NOB1: variants seen among roughly 807,000 people sequenced by gnomAD.
NOB1 encodes RNA-binding protein NOB1.
NOB1 carries 44 observed loss-of-function variants against 44.8 expected under a neutral mutation model. The ratio of observed to expected loss-of-function variants is 0.98; its 90% CI spans 0.77 to 1.26. NOB1 has a LOEUF of 1.26. Ranked by LOEUF, NOB1 falls within the 50% of genes most tolerant of loss-of-function variation. The pLI, the probability that NOB1 is intolerant of heterozygous loss-of-function variation, is 0.00. For missense variants in NOB1, 560 were observed against 544.8 expected, an observed-to-expected ratio of 1.03 and a Z score of -0.28; for synonymous variants, 238 against 218.7, an observed-to-expected ratio of 1.09 and a Z score of -0.78.
At chr16:69,748,789 T>C (rs912484567) in intron 6 of NOB1, 129 bp downstream of exon 6, 1 of 808,932 alleles carries the variant, frequency 1.2e-6, no homozygotes, top group Non-Finnish European at 1.9e-6. Flanking sequence ...AATCACCAAA[T>C]GGCACAGGTG....
chr16:69,749,717 CCTGT>C (rs1423809240), intron 3 of NOB1, 87 bp from the exon 4 acceptor site: 22 of 972,684 alleles, frequency 2.3e-5, no homozygotes, highest in Non-Finnish European at 3.2e-5. Context: ...ATGGCTCATG[CCTGT>C]AATCCCAGCA....
At chr16:69,747,930 G>A (rs2038446696) in intron 7 of NOB1, among the ~76,000 whole-genome samples, 1 of 152,168 alleles carries the variant, frequency 6.6e-6, no homozygotes, top group Non-Finnish European at 1.5e-5. Context: ...GGCTGAGGTG[G>A]ATGGATCACT....
Position 69,749,318 on chromosome 16 carries a change from T to C in NOB1, c.420A>G (p.Thr140=), listed in dbSNP as rs575284076. The C allele has an allele frequency of 4.4e-6, 7 of 1,598,826 alleles. No individual in the cohort carries two copies. In the East Asian group the frequency reaches 6.7e-5, roughly 15 times the overall value. Reference sequence around the variant, plus strand: ...GCTCACAAGCTGAGTGTCCTTTTTCTGTTTCTTGTGGGGGTTTAGGCTGAA... The same window carrying C: ...GCTCACAAGCTGAGTGTCCTTTTTCCGTTTCTTGTGGGGGTTTAGGCTGAA... The part of the protein sequence containing the change: ...LPYKPKPPQE[T]EKGHSACEPE... Residue 140 remains threonine (T), a synonymous_variant, in exon 5 of 9, where the codon ACA becomes ACG. Transcript: ENST00000268802.
Position 69,742,674 on chromosome 16 carries a change from G to A in NOB1, c.970-73C>T, listed in dbSNP as rs1401186368. ...CACACAAGGCCATGGCTGGTAAGGT[G>A]CAGCCGACCTTGCAGATCCTGGTGC... On this transcript the variant is annotated intron_variant, in intron 8 of 8. Coordinates refer to ENST00000268802, the MANE Select transcript of NOB1 (RefSeq NM_014062.3). 3.4e-6 allele frequency: 5 copies of A among 1,487,456 alleles called. No homozygotes were observed. The East Asian group carries it at 1.1e-4, about 34-fold the overall frequency. The allele number at this position is 1,487,456 out of a possible 1,614,324, so 92.1% of individuals were successfully genotyped here. A position where few individuals can be genotyped will look rare whatever the true frequency, so the allele number is the denominator to read the frequency against.
At chr16:69,749,148 C>G in intron 5 of NOB1, 30 bp from the exon 6 acceptor site, 2 of 1,614,054 alleles carry the variant, frequency 1.2e-6, no homozygotes, top group Non-Finnish European at 1.7e-6. Flanking sequence ...TTCAAACTCC[C>G]AACCCACAGG....
chr16:69,751,539 A>T (rs576456211), intron 3 of NOB1, among the ~76,000 whole-genome samples: 1 of 152,174 alleles, frequency 6.6e-6, no homozygotes, highest in African/African-American at 2.4e-5. Context: ...CACACTTGCC[A>T]ATTGCAATGT....
rs559813496 is a variant in NOB1 at position 69,742,103 on chromosome 16, T to A, written c.*229A>T. On this transcript the variant is annotated 3_prime_UTR_variant, in exon 9 of 9. Transcript: ENST00000268802. The stretch of plus-strand genomic sequence containing the variant: ...TCCAGGGCGTTGTTCTTTCTGTTTT[T>A]ATGCAATTGCACTTCCTTGGCAGGC... The A allele has an allele frequency of 4.0e-6, 2 of 502,742 alleles. No individual in the cohort carries two copies. The highest frequency in any genetic ancestry group is 3.9e-5 in the African/African-American group (2 of 51,836). The allele number at this position is 502,742 out of a possible 1,614,324, so 31.1% of individuals were successfully genotyped here.
rs907698855 is a variant in NOB1 at position 69,742,406 on chromosome 16, C to T, written c.1165G>A (p.Asp389Asn). 6 of 1,614,118 alleles carry T rather than the reference C, an allele frequency of 3.7e-6. No homozygotes were observed. Among genetic ancestry groups the T allele is most frequent in the Admixed American group, 1.7e-5 (1 of 60,010 alleles). The change falls in exon 9 of 9, where the codon GAC becomes AAC. Residue 389 changes from aspartate to asparagine, a missense_variant. Asp to Asn is a conservative substitution (Grantham distance 23). Transcript: ENST00000268802. ...SSRSATLQVR[D>N]STLGAGRRRL... is the part of the protein sequence containing the mutation. ...CTCCGCCCAGCTCCCAAGGTGCTGT[C>T]CCGGACCTGCAGGGTAGCTGAGCGG...
Position 69,748,274 on chromosome 16 carries a change from C to A in NOB1, c.782G>T (p.Arg261Leu), listed in dbSNP as rs766211851. 5 of 1,613,958 alleles carry A rather than the reference C, an allele frequency of 3.1e-6. No individual in the cohort carries two copies. The highest frequency in any genetic ancestry group is 2.7e-5 in the African/African-American group (2 of 74,940). ...HVLAVNGMLI[R>L]EARSYILRCH... Reference sequence around the variant, plus strand: ...GCGCAAGATGTAGCTCCGGGCCTCACGAATCAGCATGCCGTTCACCGCCAG... The same window carrying A: ...GCGCAAGATGTAGCTCCGGGCCTCAAGAATCAGCATGCCGTTCACCGCCAG... The change falls in exon 7 of 9, where the codon CGT (arginine) becomes CTT (leucine). Residue 261 changes from arginine (R) to leucine (L), a missense_variant. Coordinates refer to ENST00000268802, the MANE Select transcript of NOB1 (RefSeq NM_014062.3).
intron 8 of NOB1, among the ~76,000 whole-genome samples, chr16:69,742,937 T>C (rs114462991): frequency 0.014 from 2,100 of 152,286 alleles, 47 homozygotes; most frequent in African/African-American, 0.045. Flanking sequence ...GCAATGACAC[T>C]GCAGGACAAC....
chr16:69,742,436 A>T lies in NOB1; in HGVS notation c.1135T>A (p.Ser379Thr), dbSNP rs112175164. The T allele has an allele frequency of 6.2e-7, 1 of 1,614,188 alleles. No individual in the cohort carries two copies. The highest frequency in any genetic ancestry group is 1.1e-5 in the South Asian group (1 of 91,086). ...GVSPFVENDISSRSATLQVRD... is the reference protein window; with the variant it reads ...GVSPFVENDITSRSATLQVRD... ...ACCTGCAGGGTAGCTGAGCGGCTGG[A>T]GATGTCATTCTCGACAAAGGGTGAC... Residue 379 changes from serine (S) to threonine (T), a missense_variant, in exon 9 of 9, where the codon TCC becomes ACC. Coordinates refer to ENST00000268802, the MANE Select transcript of NOB1 (RefSeq NM_014062.3).
At position 69,742,385 on chromosome 16, in the gene NOB1, G is replaced by A. The variant is rs200044448; in HGVS notation, c.1186C>T (p.Arg396Trp). 32 of 1,614,208 alleles carry A rather than the reference G, an allele frequency of 2.0e-5. 1 individual carries two copies. Among genetic ancestry groups the A allele is most frequent in the South Asian group, 6.6e-5 (6 of 91,088 alleles). ...QVRDSTLGAGRRRLNPNASRK... is the reference protein window; with the variant it reads ...QVRDSTLGAGWRRLNPNASRK... ...GAAGCGTTGGGATTTAAGCGTCTCC[G>A]CCCAGCTCCCAAGGTGCTGTCCCGG... is the stretch of plus-strand genomic sequence containing the variant. Residue 396 changes from arginine to tryptophan, a missense_variant, in exon 9 of 9, where the codon CGG becomes TGG. Coordinates refer to ENST00000268802, the MANE Select transcript of NOB1 (RefSeq NM_014062.3).
At chr16:69,754,570 C>A in intron 2 of NOB1, 24 bp downstream of exon 2, 1 of 1,611,788 alleles carries the variant, frequency 6.2e-7, no homozygotes, top group Non-Finnish European at 8.5e-7. Flanking sequence ...AGCTTCCCGT[C>A]AACGCTAGGG....
chr16:69,745,326 G>A (rs1024006396), intron 7 of NOB1, among the ~76,000 whole-genome samples: 3 of 152,210 alleles, frequency 2.0e-5, no homozygotes, highest in African/African-American at 7.2e-5. Flanking sequence ...CTAGTCCTGG[G>A]AGGATGGCAC....
Position 69,742,414 on chromosome 16 carries a change from T to C in NOB1, c.1157A>G (p.Gln386Arg), listed in dbSNP as rs781701396. The C allele has an allele frequency of 6.2e-7, 1 of 1,614,258 alleles. No individual in the cohort carries two copies. The highest frequency in any genetic ancestry group is 8.5e-7 in the Non-Finnish European group (1 of 1,180,040). The part of the protein sequence containing the change: ...NDISSRSATL[Q>R]VRDSTLGAGR... ...AGCTCCCAAGGTGCTGTCCCGGACC[T>C]GCAGGGTAGCTGAGCGGCTGGAGAT... The change falls in exon 9 of 9, where the codon CAG becomes CGG. Residue 386 changes from glutamine to arginine, a missense_variant. Transcript: ENST00000268802.
chr16:69,754,918 G>C lies in NOB1; in HGVS notation c.-8C>G. On this transcript the variant is annotated 5_prime_UTR_variant, in exon 1 of 9. Transcript: ENST00000268802. ...GTGCTCCACTGGAGCCATGTTGGCT[G>C]CGTGAGAGGGGAGCGCGCATGCGCA... 1 of 1,574,362 alleles carries C rather than the reference G, an allele frequency of 6.4e-7. No individual in the cohort carries two copies. Among genetic ancestry groups the C allele is most frequent in the Non-Finnish European group, 8.6e-7 (1 of 1,161,572 alleles).
rs1467438966 is a variant in NOB1 at position 69,742,566 on chromosome 16, G to A, written c.1005C>T (p.Ala335=). The A allele has an allele frequency of 1.4e-5, 22 of 1,613,990 alleles. No individual in the cohort carries two copies. The highest frequency in any genetic ancestry group is 1.9e-5 in the Non-Finnish European group (22 of 1,180,022). Residue 335 remains alanine, a synonymous_variant, in exon 9 of 9, where the codon GCC becomes GCT. Transcript: ENST00000268802. ...SLPTPKGGKY[A]INPHLTEDQR... Reference sequence around the variant, plus strand: ...GATCCTCGGTGAGATGGGGGTTGATGGCGTATTTGCCCCCTTTGGGAGTGG... The same window carrying A: ...GATCCTCGGTGAGATGGGGGTTGATAGCGTATTTGCCCCCTTTGGGAGTGG...
chr16:69,746,550 CCA>C (rs2038432871), intron 7 of NOB1, among the ~76,000 whole-genome samples: 1 of 152,224 alleles, frequency 6.6e-6, no homozygotes, highest in African/African-American at 2.4e-5. Flanking sequence ...GTATTGGATA[CCA>C]CAGAGTCCTT....
chr16:69,745,009 G>C lies in NOB1; in HGVS notation c.833C>G (p.Ser278Cys). 1 of 1,614,138 alleles carries C rather than the reference G, an allele frequency of 6.2e-7. No homozygotes were observed. Among genetic ancestry groups the C allele is most frequent in the South Asian group, 1.1e-5 (1 of 91,078 alleles). ...TGAGCAGAACACTCGGCTCATGTCA[G>C]ACGTTGTCCTGGGAGACACAAAAGG... ...LRCHGCFKTT[S>C]DMSRVFCSHC... Residue 278 changes from serine (S) to cysteine (C), a missense_variant, in exon 8 of 9, where the codon TCT becomes TGT. Ser to Cys is a moderately radical substitution (Grantham distance 112, BLOSUM62 -1). Transcript: ENST00000268802.
Sources: allele counts gnomAD v4.1 joint callset (sites outside exome capture counted in the v4.1 genomes callset), GRCh38; gene constraint gnomAD v4.1.1; transcripts MANE v1.5; gene names NCBI Gene and HGNC (gene_info 2026-07-23, HGNC 2026-07-21).